Variants in TLL1 observed in about 807,000 individuals in gnomAD.
TLL1 encodes the protein tolloid like 1.
In TLL1, 49 loss-of-function variants were observed where a neutral mutation model predicts 128.2. The observed-to-expected ratio is 0.38, with a 90% CI of 0.30 to 0.48. The LOEUF is 0.48. Among genes scored for constraint, TLL1 ranks in the 20% least tolerant of loss-of-function variants. The pLI, the probability that TLL1 is intolerant of heterozygous loss-of-function variation, is 0.96. For synonymous variants in TLL1, 454 were observed against 418.8 expected (o/e 1.08, Z -1.03); for missense variants, 1,123 against 1,242.0 (o/e 0.90, Z 1.44).
At chr4:166,000,821 A>T (rs1038608709) in intron 5 of TLL1, among the ~76,000 whole-genome samples, 1 of 152,158 alleles carries the variant, frequency 6.6e-6, no homozygotes, top group Non-Finnish European at 1.5e-5. Flanking sequence ...TTGAACAAAA[A>T]ACTACCTGGG....
At chr4:165,909,643 C>G (rs1490979852) in intron 1 of TLL1, among the ~76,000 whole-genome samples, 1 of 152,208 alleles carries the variant, frequency 6.6e-6, no homozygotes, top group East Asian at 1.9e-4. Context: ...TGAAACATAA[C>G]TTCAAAGCAA....
At position 166,011,713 on chromosome 4, in the gene TLL1, T is replaced by C. The variant is rs377342711; in HGVS notation, c.918-2723T>C. On this transcript the variant is annotated intron_variant, in intron 7 of 20. Transcript: ENST00000061240. ...GGGTGGGCATCCTTGCCTTGTTCCT[T>C]ATCTTAAAAGAAAATATTTCAGGTT... Among the ~76,000 whole-genome samples the C allele has an allele frequency of 5.9e-5, 9 of 151,652 alleles. No homozygotes were observed. In the East Asian group the frequency reaches 1.7e-3, roughly 29 times the overall value.
chr4:166,040,845 C>A (rs1468126154), intron 10 of TLL1, among the ~76,000 whole-genome samples: 1 of 152,176 alleles, frequency 6.6e-6, no homozygotes, highest in Non-Finnish European at 1.5e-5. Context: ...TTGCTTTATG[C>A]AAGTCAGCTA....
At chr4:165,920,405 A>AT (rs1732993794) in intron 1 of TLL1, among the ~76,000 whole-genome samples, 3 of 152,240 alleles carry the variant, frequency 2.0e-5, no homozygotes, top group Admixed American at 2.0e-4. Flanking sequence ...ACAGCTTTAT[A>AT]TCATTTCAAT....
intron 16 of TLL1, among the ~76,000 whole-genome samples, chr4:166,071,107 G>T (rs764266653): frequency 8.2e-4 from 125 of 151,856 alleles, no homozygotes; most frequent in Non-Finnish European, 1.1e-3. Flanking sequence ...TTCAGATCCT[G>T]AACATTTAAT....
intron 8 of TLL1, among the ~76,000 whole-genome samples, chr4:166,016,339 A>G (rs1450634843): frequency 1.3e-5 from 2 of 152,114 alleles, no homozygotes; most frequent in East Asian, 3.9e-4. Context: ...ATTAACAGCA[A>G]CTAAATAAGT....
chr4:166,051,661 T>C (rs1739744527), intron 12 of TLL1, among the ~76,000 whole-genome samples: 1 of 152,166 alleles, frequency 6.6e-6, no homozygotes, highest in African/African-American at 2.4e-5. Context: ...GTGCAAGCCT[T>C]GCATTTAGGA....
At chr4:165,972,959 T>C (rs1560782351) in intron 1 of TLL1, among the ~76,000 whole-genome samples, 1 of 119,396 alleles carries the variant, frequency 8.4e-6, no homozygotes, top group Non-Finnish European at 1.7e-5. Context: ...TGGCTGAGAA[T>C]AGTATATTTG....
chr4:166,088,226 G>A (rs112658961), intron 18 of TLL1, among the ~76,000 whole-genome samples: 18 of 152,190 alleles, frequency 1.2e-4, no homozygotes, highest in Admixed American at 3.3e-4. Flanking sequence ...CATTTCTGCG[G>A]CATTGGTTCC....
intron 1 of TLL1, among the ~76,000 whole-genome samples, chr4:165,946,411 C>T (rs2110931637): frequency 6.6e-6 from 1 of 151,996 alleles, no homozygotes; most frequent in South Asian, 2.1e-4. Flanking sequence ...TCATAGCTCA[C>T]TGCAGCCTTG....
At chr4:166,056,031 G>A (rs1017798327) in intron 13 of TLL1, among the ~76,000 whole-genome samples, 1 of 152,014 alleles carries the variant, frequency 6.6e-6, no homozygotes, top group African/African-American at 2.4e-5. Context: ...TGATAGATAT[G>A]TAAATATTGT....
chr4:166,004,018 C>G (rs575884250), intron 6 of TLL1, among the ~76,000 whole-genome samples: 3 of 151,956 alleles, frequency 2.0e-5, no homozygotes, highest in Admixed American at 2.0e-4. Flanking sequence ...TGGAGAAAAT[C>G]CAGTGAAATG....
intron 8 of TLL1, among the ~76,000 whole-genome samples, chr4:166,018,683 G>T (rs10001573): frequency 0.014 from 2,123 of 152,124 alleles, 50 homozygotes; most frequent in African/African-American, 0.048. Flanking sequence ...GATACAATCA[G>T]CCAACAAACA....
rs1020990543 is a variant in TLL1 at position 166,101,674 on chromosome 4, A to G, written c.*798A>G. On this transcript the variant is annotated 3_prime_UTR_variant, in exon 21 of 21. Coordinates refer to ENST00000061240, the MANE Select transcript of TLL1 (RefSeq NM_012464.5). ...AAATCCAAGAAGCCTGTGATGTCTT[A>G]TGAACCTTATGAGAAAACTCCGAAG... The G allele has an allele frequency of 2.6e-5, 4 of 152,518 alleles. No homozygotes were observed. Among genetic ancestry groups the G allele is most frequent in the African/African-American group, 9.7e-5 (4 of 41,424 alleles). The allele number at this position is 152,518 out of a possible 1,614,324, so 9.4% of individuals were successfully genotyped here. A position where few individuals can be genotyped will look rare whatever the true frequency, so the allele number is the denominator to read the frequency against.
At chr4:166,034,686 G>A (rs1738918164) in intron 9 of TLL1, among the ~76,000 whole-genome samples, 2 of 152,120 alleles carry the variant, frequency 1.3e-5, no homozygotes, top group Non-Finnish European at 2.9e-5. Context: ...GGATATTATA[G>A]AATATCACCT....
Position 166,039,358 on chromosome 4 carries a change from C to A in TLL1, c.1178C>A (p.Thr393Lys). The A allele has an allele frequency of 6.2e-7, 1 of 1,613,094 alleles. No individual in the cohort carries two copies. The highest frequency in any genetic ancestry group is 8.5e-7 in the Non-Finnish European group (1 of 1,179,370). Residue 393 changes from threonine (T) to lysine (K), a missense_variant, in exon 10 of 21, where the codon ACG becomes AAG. This residue lies in a region of TLL1 where 480 missense variants were observed against 542.4 expected (regional missense o/e 0.89). Transcript: ENST00000061240. ...TTGCAGATTGTTTTAAATTTTACAA[C>A]GATGGATCTATACAAGAGTAGTTTG... ...PGEKIVLNFT[T>K]MDLYKSSLCW...
intron 9 of TLL1, among the ~76,000 whole-genome samples, chr4:166,038,069 G>A (rs1286374102): frequency 6.6e-6 from 1 of 152,110 alleles, no homozygotes. Flanking sequence ...GCATTGATTT[G>A]TAATAATTAG....
chr4:165,947,169 A>G (rs992835713), intron 1 of TLL1, among the ~76,000 whole-genome samples: 1 of 152,116 alleles, frequency 6.6e-6, no homozygotes, highest in African/African-American at 2.4e-5. Context: ...GGTGGCCATC[A>G]TCTTACTGTG....
At chr4:166,028,477 T>C (rs1230546983) in intron 9 of TLL1, among the ~76,000 whole-genome samples, 1 of 152,034 alleles carries the variant, frequency 6.6e-6, no homozygotes. Flanking sequence ...TAATCTTTGC[T>C]TTAAAAATAT....
Sources: allele counts gnomAD v4.1 joint callset (sites outside exome capture counted in the v4.1 genomes callset), GRCh38; gene constraint gnomAD v4.1.1; regional missense constraint gnomAD v4.1.1; transcripts MANE v1.5; gene names NCBI Gene and HGNC (gene_info 2026-07-23, HGNC 2026-07-21).